ZNF83: variants seen among roughly 807,000 people sequenced by gnomAD.
The protein encoded by ZNF83 is zinc finger protein 83, also known as zinc finger protein 816B.
For missense variants in ZNF83, 552 were observed against 629.9 expected (o/e 0.88, Z 1.32); for synonymous variants, 209 against 213.0 (o/e 0.98, Z 0.17).
At chr19:52,662,069 A>C (rs956570396) in intron 1 of ZNF83, among the ~76,000 whole-genome samples, 1 of 152,240 alleles carries the variant, frequency 6.6e-6, no homozygotes, top group Non-Finnish European at 1.5e-5. Context: ...GCACAGATCC[A>C]TAGGGATGAG....
At chr19:52,613,528 T>G in exon 3 of ZNF83, 2 of 1,614,148 alleles carry the variant, frequency 1.2e-6, no homozygotes, top group Non-Finnish European at 1.7e-6. Context: ...TTCATTACAT[T>G]TGTAAGGTTT....
At chr19:52,634,019 C>T (rs1420428516) in intron 2 of ZNF83, among the ~76,000 whole-genome samples, 1 of 151,574 alleles carries the variant, frequency 6.6e-6, no homozygotes, top group Non-Finnish European at 1.5e-5. Context: ...CCTGTAATCA[C>T]AGCACTATAG....
chr19:52,623,926 A>G (rs747215420), intron 2 of ZNF83, among the ~76,000 whole-genome samples: 3 of 151,840 alleles, frequency 2.0e-5, no homozygotes, highest in Admixed American at 6.6e-5. Flanking sequence ...CAACCTGTAC[A>G]CTCTTTTGTT....
chr19:52,622,669 T>G (rs1324882505), intron 2 of ZNF83, among the ~76,000 whole-genome samples: 1 of 152,214 alleles, frequency 6.6e-6, no homozygotes, highest in Non-Finnish European at 1.5e-5. Context: ...GCCCAGTTCA[T>G]GGTTCATCTG....
At chr19:52,683,405 T>C (rs559885145) in intron 1 of ZNF83, among the ~76,000 whole-genome samples, 78 of 152,196 alleles carry the variant, frequency 5.1e-4, no homozygotes, top group African/African-American at 1.8e-3. Flanking sequence ...CTTGGAAGAA[T>C]CTTTCCTGAA....
chr19:52,618,973 A>ATCTC, intron 2 of ZNF83: 1 of 1,429,262 alleles, frequency 7.0e-7, no homozygotes. Context: ...CCAACATCAC[A>ATCTC]TCTCTGTATA....
chr19:52,672,582 G>A (rs1228664266), intron 1 of ZNF83, among the ~76,000 whole-genome samples: 1 of 152,142 alleles, frequency 6.6e-6, no homozygotes, highest in African/African-American at 2.4e-5. Flanking sequence ...TCATCTTTAT[G>A]TTTTAAAAAT....
chr19:52,663,220 T>A (rs1334906507), intron 1 of ZNF83, among the ~76,000 whole-genome samples: 8 of 152,116 alleles, frequency 5.3e-5, no homozygotes, highest in Non-Finnish European at 8.8e-5. Flanking sequence ...AAAAGAAATG[T>A]CTCTTTCAAT....
chr19:52,683,357 C>G (rs1217515321), intron 1 of ZNF83, among the ~76,000 whole-genome samples: 2 of 152,070 alleles, frequency 1.3e-5, no homozygotes, highest in Non-Finnish European at 1.5e-5. Context: ...GGAGGTGGCC[C>G]TCGGGCTGCA....
chr19:52,680,900 C>G (rs948013387), intron 1 of ZNF83, among the ~76,000 whole-genome samples: 2 of 151,874 alleles, frequency 1.3e-5, no homozygotes, highest in African/African-American at 4.8e-5. Flanking sequence ...GCGTGAGCCA[C>G]CGCGCCCGGC....
At position 52,613,560 on chromosome 19, in the gene ZNF83, G is replaced by C. The variant is rs200196513; in HGVS notation, c.1005C>G (p.His335Gln). ...GTTTCTCTCCAGTGTGGATTCTCCA[G>C]TGATTTACTAGGGATGACTTGTGAC... The change falls in exon 3 of 3, where the codon CAC becomes CAG. Residue 335 changes from histidine to glutamine, a missense_variant. Physicochemically the swap from His to Gln is conservative, Grantham distance 24 (BLOSUM62 0). Coordinates refer to ENST00000301096, the Ensembl canonical transcript of ZNF83. 6 of 1,611,454 alleles carry C rather than the reference G, an allele frequency of 3.7e-6. No homozygotes were observed. In the East Asian group the frequency reaches 1.3e-4, roughly 36 times the overall value.
At chr19:52,671,690 A>G (rs1600256595) in intron 1 of ZNF83, among the ~76,000 whole-genome samples, 1 of 152,120 alleles carries the variant, frequency 6.6e-6, no homozygotes, top group South Asian at 2.1e-4. Context: ...CGATCAACCC[A>G]CCTTTGCTTC....
At chr19:52,673,110 G>A (rs2061748836) in intron 1 of ZNF83, among the ~76,000 whole-genome samples, 1 of 152,156 alleles carries the variant, frequency 6.6e-6, no homozygotes, top group Non-Finnish European at 1.5e-5. Context: ...TCAGGAGACT[G>A]AGGCATGAGA....
At chr19:52,638,010 C>T (rs2061210166) in intron 1 of ZNF83, among the ~76,000 whole-genome samples, 1 of 152,010 alleles carries the variant, frequency 6.6e-6, no homozygotes, top group Non-Finnish European at 1.5e-5. Context: ...GGGAATCCAG[C>T]TCTCGGGTGA....
intron 2 of ZNF83, among the ~76,000 whole-genome samples, chr19:52,633,346 A>G (rs1324516727): frequency 6.6e-6 from 1 of 152,142 alleles, no homozygotes; most frequent in Non-Finnish European, 1.5e-5. Flanking sequence ...AAACAGCTTT[A>G]TTGCTCACAC....
At chr19:52,645,304 G>A (rs1388960163) in intron 3 of ZNF83, among the ~76,000 whole-genome samples, 1 of 151,984 alleles carries the variant, frequency 6.6e-6, no homozygotes, top group Non-Finnish European at 1.5e-5. Context: ...AAATAATAAA[G>A]ACTAGAAAGC....
At chr19:52,663,442 C>T (rs1305959005) in intron 1 of ZNF83, among the ~76,000 whole-genome samples, 1 of 152,184 alleles carries the variant, frequency 6.6e-6, no homozygotes, top group Non-Finnish European at 1.5e-5. Flanking sequence ...CAATCCAGCC[C>T]ATCCTTCAAC....
At chr19:52,664,825 T>C (rs2061627659) in intron 1 of ZNF83, among the ~76,000 whole-genome samples, 2 of 151,950 alleles carry the variant, frequency 1.3e-5, no homozygotes. Flanking sequence ...GGGCCTGAGC[T>C]TCCCTCTATC....
At chr19:52,618,251 C>CTGGATAATTTTTGTGTTTT (rs1049735951) in intron 2 of ZNF83, among the ~76,000 whole-genome samples, 20 of 151,652 alleles carry the variant, frequency 1.3e-4, no homozygotes, top group African/African-American at 4.8e-4. Flanking sequence ...GCCATCACGC[C>CTGGATAATTTTTGTGTTTT]TGGATAATTT....
Sources: gnomAD v4.1 joint callset for allele counts (sites outside exome capture counted in the v4.1 genomes callset) on GRCh38, gnomAD v4.1.1 for gene constraint, MANE v1.5 for transcripts, NCBI Gene and HGNC (gene_info 2026-07-23, HGNC 2026-07-21) for gene names.